The following TSC22D3 variants were observed in gnomAD, a reference collection of about 807,000 sequenced individuals.
TSC22D3 encodes TSC22 domain family member 3, also known as TSC22 domain family protein 3.
In TSC22D3, 4 loss-of-function variants were observed where a neutral mutation model predicts 11.1. The observed-to-expected ratio is 0.36, with a 90% CI of 0.18 to 0.83. TSC22D3 has a LOEUF of 0.83. TSC22D3 is among the 40% of genes least tolerant of loss of function. The pLI is 0.48. For missense variants in TSC22D3, 118 were observed against 159.4 expected (o/e 0.74, Z 1.40); for synonymous variants, 77 against 70.3 (o/e 1.10, Z -0.48).
At chrX:107,762,846 CTTTTTTTTTTTTTT>C (rs1170456785) in intron 1 of TSC22D3, among the ~76,000 whole-genome samples, 8 of 44,801 alleles carry the variant, frequency 1.8e-4, no homozygotes, top group Non-Finnish European at 3.5e-4. Context: ...TGCACATGTA[CTTTTTTTTTTTTTT>C]TTTTTTTTTT....
chrX:107,746,340 C>A (rs2147764483), intron 1 of TSC22D3, among the ~76,000 whole-genome samples: 1 of 111,658 alleles, frequency 9.0e-6, no homozygotes, highest in South Asian at 3.8e-4. Flanking sequence ...AGACGGTTCT[C>A]CCAGGCAGGC....
chrX:107,726,523 G>T (rs1214258977), intron 1 of TSC22D3, among the ~76,000 whole-genome samples: 1 of 112,851 alleles, frequency 8.9e-6, no homozygotes, highest in Non-Finnish European at 1.9e-5. Flanking sequence ...CCGGCATTAT[G>T]AATGTTAAGC....
intron 1 of TSC22D3, among the ~76,000 whole-genome samples, chrX:107,751,104 G>A (rs1376678545): frequency 8.9e-6 from 1 of 111,976 alleles, no homozygotes; most frequent in Non-Finnish European, 1.9e-5. Flanking sequence ...GCTGTGCCAA[G>A]GCTGAGCAGG....
intron 1 of TSC22D3, among the ~76,000 whole-genome samples, chrX:107,772,538 C>G (rs1246607776): frequency 1.8e-5 from 2 of 111,483 alleles, no homozygotes; most frequent in African/African-American, 6.5e-5. Context: ...TCCCCAGTCT[C>G]TAAGGTCCCA....
At position 107,744,132 on chromosome X, in the gene TSC22D3, C is replaced by T. The variant is rs777618363; in HGVS notation, c.321-28182G>A. 1.1e-4 allele frequency among the ~76,000 whole-genome samples: 12 copies of T among 112,016 alleles called. No homozygotes were observed. The Admixed American group carries it at 1.1e-3, about 11-fold the overall frequency. On this transcript the variant is annotated intron_variant, in intron 1 of 2. Transcript: ENST00000372383. ...CCAAAATTAAATCAATCAGGTCGATCGATTTAATACATGCTCAAGCCATGG... is the reference window on the plus strand; with the variant it reads ...CCAAAATTAAATCAATCAGGTCGATTGATTTAATACATGCTCAAGCCATGG...
At chrX:107,774,809 G>A (rs1444031934) in intron 1 of TSC22D3, 33 of 371,501 alleles carry the variant, frequency 8.9e-5, no homozygotes, top group Non-Finnish European at 1.3e-4. Flanking sequence ...TTTGAGGAGC[G>A]GGTACTTTCA....
At chrX:107,733,099 C>CAAAA (rs11313485) in intron 1 of TSC22D3, among the ~76,000 whole-genome samples, 1 of 54,692 alleles carries the variant, frequency 1.8e-5, no homozygotes, top group Non-Finnish European at 4.0e-5. Flanking sequence ...GACCCTGTCT[C>CAAAA]AAAAAAAAAA....
chrX:107,756,702 CA>C (rs1929196380), intron 1 of TSC22D3, among the ~76,000 whole-genome samples: 1 of 112,570 alleles, frequency 8.9e-6, no homozygotes, highest in Admixed American at 9.3e-5. Flanking sequence ...CTGGGGTTTG[CA>C]ACAGAACACA....
chrX:107,739,602 C>T (rs765397028), intron 1 of TSC22D3, among the ~76,000 whole-genome samples: 1 of 112,506 alleles, frequency 8.9e-6, no homozygotes, highest in African/African-American at 3.2e-5. Context: ...GCCAGGAAGC[C>T]AGAGTCTGGA....
At chrX:107,722,933 A>C (rs1927418402) in intron 1 of TSC22D3, among the ~76,000 whole-genome samples, 1 of 112,060 alleles carries the variant, frequency 8.9e-6, no homozygotes, top group Non-Finnish European at 1.9e-5. Context: ...TGGCAGTACA[A>C]ATCCAAAATT....
intron 1 of TSC22D3, among the ~76,000 whole-genome samples, chrX:107,726,521 A>G (rs1927631319): frequency 8.9e-6 from 1 of 112,958 alleles, no homozygotes; most frequent in Non-Finnish European, 1.9e-5. Flanking sequence ...TGCCGGCATT[A>G]TGAATGTTAA....
intron 1 of TSC22D3, among the ~76,000 whole-genome samples, chrX:107,773,065 C>G (rs761081377): frequency 6.5e-4 from 73 of 111,860 alleles, no homozygotes; most frequent in African/African-American, 2.3e-3. Context: ...ATTTGCGCTT[C>G]TCCCTCAACC....
intron 1 of TSC22D3, among the ~76,000 whole-genome samples, chrX:107,731,652 G>T (rs750640859): frequency 2.5e-4 from 28 of 111,450 alleles, no homozygotes; most frequent in Middle Eastern, 9.2e-3. Context: ...TCTCAGTCTC[G>T]ATCTCCTCAG....
At chrX:107,748,357 G>A (rs1265642589) in intron 1 of TSC22D3, among the ~76,000 whole-genome samples, 1 of 111,739 alleles carries the variant, frequency 8.9e-6, no homozygotes, top group Non-Finnish European at 1.9e-5. Context: ...AGACTCAAGT[G>A]AGCTGTGTGA....
At chrX:107,725,367 G>A (rs937706060) in intron 1 of TSC22D3, among the ~76,000 whole-genome samples, 7 of 112,147 alleles carry the variant, frequency 6.2e-5, no homozygotes, top group Non-Finnish European at 1.9e-5. Flanking sequence ...GTCCTGGGCT[G>A]CAGCCCTAGC....
Position 107,729,804 on chromosome X carries a change from C to T in TSC22D3, c.321-13854G>A, listed in dbSNP as rs191704538. Among the ~76,000 whole-genome samples the T allele has an allele frequency of 1.9e-4, 22 of 112,863 alleles. No homozygotes were observed. The East Asian group carries it at 5.8e-3, about 30-fold the overall frequency. On this transcript the variant is annotated intron_variant, in intron 1 of 2. Coordinates refer to ENST00000372383, the MANE Select transcript of TSC22D3 (RefSeq NM_198057.3). ...ATTTTCATCTTGTTTTGACTGGGAC[C>T]GTCCTCCCCTGTGTAAACACATCCA...
In TSC22D3 at chrX:107,714,553, T is replaced by G; in HGVS notation, c.569A>C (p.Gln190Pro). The G allele has an allele frequency of 8.3e-7, 1 of 1,211,004 alleles. No homozygotes were observed. The highest frequency in any genetic ancestry group is 1.1e-6 in the Non-Finnish European group (1 of 895,186). Reference protein sequence around the residue: ...SPEEPAPESPQVPEAPGGSAV With the variant: ...SPEEPAPESPPVPEAPGGSAV ...AGAACCACCAGGGGCCTCGGGCACT[T>G]GTGGGGATTCGGGAGCTGGCTCTTC... Residue 190 changes from glutamine to proline, a missense_variant, in exon 3 of 3, where the codon CAA becomes CCA. Gln to Pro is a moderately conservative substitution (Grantham distance 76, BLOSUM62 -1). Transcript: ENST00000372383.
chrX:107,740,506 C>T lies in TSC22D3; in HGVS notation c.321-24556G>A, dbSNP rs776971668. 2.4e-4 allele frequency among the ~76,000 whole-genome samples: 27 copies of T among 111,016 alleles called. 1 individual carries two copies. Among genetic ancestry groups the T allele is most frequent in the African/African-American group, 7.9e-4 (24 of 30,514 alleles). The stretch of plus-strand genomic sequence containing the variant: ...CTGAGGCAGGAGAATCGCTTGAACC[C>T]GGGAGGCGGAGGTTGCAGTGAGCCA... On this transcript the variant is annotated intron_variant, in intron 1 of 2. Coordinates refer to ENST00000372383, the MANE Select transcript of TSC22D3 (RefSeq NM_198057.3).
chrX:107,736,352 G>C (rs1048440491), intron 1 of TSC22D3, among the ~76,000 whole-genome samples: 1 of 111,143 alleles, frequency 9.0e-6, no homozygotes, highest in African/African-American at 3.3e-5. Context: ...CCTCCACTTG[G>C]GGCCACTCCC....
Sources: allele counts gnomAD v4.1 joint callset (sites outside exome capture counted in the v4.1 genomes callset), GRCh38; gene constraint gnomAD v4.1.1; transcripts MANE v1.5; gene names NCBI Gene and HGNC (gene_info 2026-07-23, HGNC 2026-07-21).